The following ART3 variants were observed in gnomAD, a reference collection of about 807,000 sequenced individuals.
ART3 encodes the protein ADP-ribosyltransferase 3 (inactive).
ART3 carries 49 observed loss-of-function variants against 48.5 expected under a neutral mutation model. That is an observed-to-expected ratio of 1.01 (90% CI 0.80 to 1.28). The LOEUF is 1.28. ART3 is among the 50% of genes most tolerant of loss of function. The pLI is 0.00. For missense variants in ART3, 438 were observed against 454.3 expected, an observed-to-expected ratio of 0.96 and a Z score of 0.33; for synonymous variants, 145 against 157.2, an observed-to-expected ratio of 0.92 and a Z score of 0.58.
intron 1 of ART3, among the ~76,000 whole-genome samples, chr4:76,053,243 T>C (rs771878220): frequency 1.3e-5 from 2 of 152,196 alleles, no homozygotes; most frequent in East Asian, 1.9e-4. Context: ...TTGTTTCTCA[T>C]TGGCTTAATT....
intron 1 of ART3, chr4:76,034,762 C>G: frequency 1.3e-6 from 2 of 1,482,050 alleles, no homozygotes; most frequent in Non-Finnish European, 1.9e-6. Flanking sequence ...TTCAGATGCT[C>G]TTTTCCAGGA....
At chr4:76,015,584 T>C (rs1732183965) in intron 1 of ART3, among the ~76,000 whole-genome samples, 1 of 152,194 alleles carries the variant, frequency 6.6e-6, no homozygotes, top group Admixed American at 6.5e-5. Flanking sequence ...TAACTTTAAA[T>C]GTAAATGAAT....
At chr4:76,079,279 G>C (rs1185193653) in intron 2 of ART3, among the ~76,000 whole-genome samples, 1 of 151,508 alleles carries the variant, frequency 6.6e-6, no homozygotes, top group African/African-American at 2.4e-5. Context: ...GGAGATGTTT[G>C]TTAAACTTAG....
chr4:76,058,995 C>G (rs868821155), intron 1 of ART3, among the ~76,000 whole-genome samples: 8 of 152,276 alleles, frequency 5.3e-5, no homozygotes, highest in Middle Eastern at 6.8e-3. Flanking sequence ...TGAAGTTTGC[C>G]TTATCTGAGC....
In ART3 at chr4:76,097,704, A is replaced by G. The variant is rs371100048; in HGVS notation, c.814+28A>G. On this transcript the variant is annotated intron_variant, in intron 4 of 11. Transcript: ENST00000355810. ...AAGATAGCTTTAAAGTCTTATCCCT[A>G]TAATAGGAATTTTATCAGTTACTTC... The G allele has an allele frequency of 2.5e-5, 39 of 1,572,882 alleles. No individual in the cohort carries two copies. The African/African-American group carries it at 3.4e-4, about 14-fold the overall frequency.
chr4:76,096,148 C>T (rs1237916497), intron 3 of ART3, among the ~76,000 whole-genome samples: 1 of 152,168 alleles, frequency 6.6e-6, no homozygotes, highest in Non-Finnish European at 1.5e-5. Flanking sequence ...GTGTCTAACT[C>T]CTGACCTCAG....
At chr4:76,058,239 A>G (rs1718871197) in intron 1 of ART3, among the ~76,000 whole-genome samples, 1 of 152,210 alleles carries the variant, frequency 6.6e-6, no homozygotes, top group African/African-American at 2.4e-5. Flanking sequence ...ACATTTTCTT[A>G]ACTCAAAAAC....
At chr4:76,083,164 CTGCAGTCT>C (rs1287392438) in intron 3 of ART3, among the ~76,000 whole-genome samples, 2 of 152,104 alleles carry the variant, frequency 1.3e-5, no homozygotes, top group Non-Finnish European at 2.9e-5. Context: ...CACCACTGCA[CTGCAGTCT>C]TGCAGCAGAG....
chr4:76,084,325 G>A (rs112980692), intron 3 of ART3, among the ~76,000 whole-genome samples: 8 of 152,022 alleles, frequency 5.3e-5, no homozygotes, highest in African/African-American at 1.7e-4. Flanking sequence ...CAGAAGTTTC[G>A]GAGAAATGGT....
chr4:76,011,347 CCT>C (rs1731769952), intron 1 of ART3: 1 of 152,550 alleles, frequency 6.6e-6, no homozygotes, highest in Non-Finnish European at 1.5e-5. Flanking sequence ...CAGGATCTCT[CCT>C]CTCTGTCCCC....
At chr4:76,054,587 T>C (rs756609960) in intron 1 of ART3, among the ~76,000 whole-genome samples, 3 of 152,184 alleles carry the variant, frequency 2.0e-5, no homozygotes, top group Non-Finnish European at 4.4e-5. Context: ...ATCCCAACAC[T>C]TTGGGAAGCT....
chr4:76,082,535 G>T lies in ART3; in HGVS notation c.781G>T (p.Gly261Ter), dbSNP rs1044021815. Reference protein sequence around the residue: ...CSHYECAFLGGLKTENCIENL... With the variant: ...CSHYECAFLG The stretch of plus-strand genomic sequence containing the variant: ...CCATTATGAGTGTGCATTTCTAGGT[G>T]GTAAGTGTCTGCTCTGTCTGTGCTT... Residue 261 changes from glycine to a stop codon, truncating the protein, a stop_gained and splice_region_variant, in exon 3 of 12, where the codon GGA becomes TGA. Transcript: ENST00000355810. LOFTEE classifies it high-confidence loss of function. 2 of 1,567,106 alleles carry T rather than the reference G, an allele frequency of 1.3e-6. No individual in the cohort carries two copies. Among genetic ancestry groups the T allele is most frequent in the African/African-American group, 1.4e-5 (1 of 73,758 alleles).
At chr4:76,052,261 G>T (rs1483170803) in intron 1 of ART3, among the ~76,000 whole-genome samples, 3 of 152,122 alleles carry the variant, frequency 2.0e-5, no homozygotes, top group African/African-American at 7.2e-5. Context: ...TTCTGCTAAT[G>T]TAGTCTGGTA....
chr4:76,105,155 G>T (rs1473464826), intron 10 of ART3, among the ~76,000 whole-genome samples: 1 of 152,146 alleles, frequency 6.6e-6, no homozygotes, highest in Non-Finnish European at 1.5e-5. Context: ...TGACACTGAT[G>T]ACACACCTTG....
At chr4:76,067,205 A>G (rs947559863) in intron 1 of ART3, among the ~76,000 whole-genome samples, 2 of 152,264 alleles carry the variant, frequency 1.3e-5, no homozygotes, top group Admixed American at 1.3e-4. Flanking sequence ...GGGAAAGGAC[A>G]AAAGATTCTC....
Position 76,105,668 on chromosome 4 carries a change from T to A in ART3, c.1003+1039T>A, listed in dbSNP as rs142384773. ...GGGAAGACATCTGGGCTGTACACTT[T>A]CCGATATCCCAGTCTGCAAGCCAGA... On this transcript the variant is annotated intron_variant, in intron 10 of 11. Transcript: ENST00000355810. 1,399 of 1,059,964 alleles carry A rather than the reference T, an allele frequency of 1.3e-3. 11 individuals carry two copies. The African/African-American group carries it at 0.022, about 16-fold the overall frequency. The allele number at this position is 1,059,964 out of a possible 1,614,324, so 65.7% of individuals were successfully genotyped here. A position where few individuals can be genotyped will look rare whatever the true frequency, so the allele number is the denominator to read the frequency against.
At chr4:76,105,614 A>G in intron 10 of ART3, 1 of 1,272,582 alleles carries the variant, frequency 7.9e-7, no homozygotes, top group Non-Finnish European at 1.0e-6. Context: ...TACCATAATC[A>G]TTCAGTTAGT....
intron 1 of ART3, among the ~76,000 whole-genome samples, chr4:76,053,482 T>G (rs929554789): frequency 1.1e-4 from 16 of 152,334 alleles, no homozygotes; most frequent in African/African-American, 3.8e-4. Flanking sequence ...AAATATTGTT[T>G]GTTTTATCTA....
At chr4:76,023,633 G>T in intron 1 of ART3, 2 of 492,578 alleles carry the variant, frequency 4.1e-6, no homozygotes, top group East Asian at 2.9e-5. Flanking sequence ...TTGCAGACTC[G>T]AAGGTATTAT....
Sources: allele counts gnomAD v4.1 joint callset (sites outside exome capture counted in the v4.1 genomes callset), GRCh38; gene constraint gnomAD v4.1.1; transcripts MANE v1.5; gene names NCBI Gene and HGNC (gene_info 2026-07-23, HGNC 2026-07-21).